The following TRNAU1AP variants were observed in gnomAD, a reference collection of about 807,000 sequenced individuals.
TRNAU1AP encodes the protein tRNA selenocysteine 1 associated protein 1.
Under a neutral mutation model 43.3 loss-of-function variants are expected in TRNAU1AP, and 33 were observed. The observed-to-expected ratio is 0.76, with a 90% CI of 0.58 to 1.02. TRNAU1AP has a LOEUF of 1.02. Ranked by LOEUF, TRNAU1AP falls within the 50% of genes least tolerant of loss-of-function variation. TRNAU1AP has a pLI of 0.00. For synonymous variants in TRNAU1AP, 143 were observed against 129.1 expected, an observed-to-expected ratio of 1.11 and a Z score of -0.73; for missense variants, 290 against 362.7, an observed-to-expected ratio of 0.80 and a Z score of 1.63.
In TRNAU1AP at chr1:28,564,712, T is replaced by C. The variant is rs770247414; in HGVS notation, c.288T>C (p.Tyr96=). ...YGKQPDNSPE[Y]SLFVGDLTPD... ...TGTTCTCTCTCCTCAGCCCTGAGTA[T>C]TCCCTCTTTGTGGGGGACCTGACCC... The change falls in exon 5 of 9, where the codon TAT becomes TAC. Residue 96 remains tyrosine (Y), a synonymous_variant. Coordinates refer to ENST00000373830, the MANE Select transcript of TRNAU1AP (RefSeq NM_017846.5). 6.2e-7 allele frequency: 1 copy of C among 1,613,950 alleles called. No homozygotes were observed. Among genetic ancestry groups the C allele is most frequent in the Admixed American group, 1.7e-5 (1 of 59,964 alleles).
At chr1:28,554,879 C>G (rs1166188779) in intron 2 of TRNAU1AP, among the ~76,000 whole-genome samples, 1 of 150,914 alleles carries the variant, frequency 6.6e-6, no homozygotes, top group Non-Finnish European at 1.5e-5. Flanking sequence ...AATAACAAGT[C>G]AGGACTTGAA....
chr1:28,576,161 T>G (rs1449570328), intron 8 of TRNAU1AP, among the ~76,000 whole-genome samples: 3 of 149,510 alleles, frequency 2.0e-5, no homozygotes, highest in South Asian at 2.1e-4. Flanking sequence ...GCCCAGTTTT[T>G]TTTTTTTTTT....
rs771956206 is a variant in TRNAU1AP, at chr1:28,571,264, T to C, written c.619T>C (p.Trp207Arg). ...YQQYQNYYAQ[W>R]GYDQNTGSYS... ...GCAGTACCAGAACTACTATGCTCAG[T>C]GGGGCTATGACCAGAACACAGGCAG... Residue 207 changes from tryptophan to arginine, a missense_variant, in exon 7 of 9, where the codon TGG (tryptophan) becomes CGG (arginine). By Grantham distance (101) the Trp-to-Arg change is moderately radical. Around this residue, in one of 3 missense-constraint regions of TRNAU1AP, gnomAD observed 174 missense variants for 262.1 expected, o/e 0.66. Transcript: ENST00000373830. 11 of 1,613,926 alleles carry C rather than the reference T, an allele frequency of 6.8e-6. No individual in the cohort carries two copies. Among genetic ancestry groups the C allele is most frequent in the Non-Finnish European group, 8.5e-7 (1 of 1,179,958 alleles).
intron 2 of TRNAU1AP, among the ~76,000 whole-genome samples, chr1:28,558,066 T>C (rs1052201706): frequency 4.1e-5 from 6 of 145,544 alleles, no homozygotes; most frequent in African/African-American, 1.5e-4. Flanking sequence ...TGGCTAATTT[T>C]TTTTTTTTTT....
At chr1:28,576,585 G>A (rs1390858497) in intron 8 of TRNAU1AP, among the ~76,000 whole-genome samples, 28 of 151,590 alleles carry the variant, frequency 1.8e-4, no homozygotes, top group Admixed American at 1.8e-3. Context: ...CCAAAGTGCT[G>A]GGATTACAGG....
intron 3 of TRNAU1AP, 137 bp downstream of exon 3, chr1:28,560,869 C>G: frequency 1.1e-6 from 1 of 885,238 alleles, no homozygotes; most frequent in Non-Finnish European, 1.7e-6. Flanking sequence ...TCTTTGTAGG[C>G]CCAGGAAACT....
intron 2 of TRNAU1AP, among the ~76,000 whole-genome samples, chr1:28,560,085 T>A (rs1346314186): frequency 6.6e-6 from 1 of 152,016 alleles, no homozygotes; most frequent in Non-Finnish European, 1.5e-5. Context: ...TGAGCTGAGA[T>A]CGAGATGATA....
At chr1:28,575,856 C>CTTTTT (rs34983069) in intron 8 of TRNAU1AP, among the ~76,000 whole-genome samples, 4 of 60,736 alleles carry the variant, frequency 6.6e-5, no homozygotes, top group Non-Finnish European at 9.3e-5. Flanking sequence ...CTGCGCCTGG[C>CTTTTT]TTTTTTTTTT....
Position 28,560,614 on chromosome 1 carries a change from C to T in TRNAU1AP, c.126-19C>T. The T allele has an allele frequency of 6.2e-7, 1 of 1,603,316 alleles. No homozygotes were observed. Among genetic ancestry groups the T allele is most frequent in the Non-Finnish European group, 8.5e-7 (1 of 1,170,586 alleles). The stretch of plus-strand genomic sequence containing the variant: ...TTTTATCTTTAACCATTTTCTTTCT[C>T]TATTTGCTTTTTTTCCAGGATCCCA... On this transcript the variant is annotated intron_variant, in intron 2 of 8. Transcript: ENST00000373830.
chr1:28,560,585 G>A (rs1445734819), intron 2 of TRNAU1AP, 48 bp from the exon 3 acceptor site: 1 of 1,526,760 alleles, frequency 6.5e-7, no homozygotes, highest in East Asian at 2.3e-5. Context: ...CTCATCTTGA[G>A]CCATTTTATC....
intron 4 of TRNAU1AP, among the ~76,000 whole-genome samples, chr1:28,563,082 G>T (rs543036367): frequency 4.0e-5 from 6 of 151,530 alleles, no homozygotes; most frequent in Admixed American, 3.3e-4. Flanking sequence ...TTTTAGTAGA[G>T]ATGGGGTTTC....
At chr1:28,570,326 C>G (rs1392109170) in intron 6 of TRNAU1AP, among the ~76,000 whole-genome samples, 1 of 151,984 alleles carries the variant, frequency 6.6e-6, no homozygotes, top group Non-Finnish European at 1.5e-5. Context: ...AGGCCCATTG[C>G]AACCTCTGTC....
In TRNAU1AP at chr1:28,567,414, G is replaced by A. The variant is rs1239368939; in HGVS notation, c.530+1G>A. On this transcript the variant is annotated splice_donor_variant, in intron 6 of 8. Coordinates refer to ENST00000373830, the MANE Select transcript of TRNAU1AP (RefSeq NM_017846.5). LOFTEE classifies it high-confidence loss of function. ...GGCTGAGCGTGGCAATCCCTAAAGC[G>A]TGAGTCCTGCAGGGAAGGTAGAGAG... The A allele has an allele frequency of 1.9e-6, 3 of 1,603,196 alleles. No individual in the cohort carries two copies. The highest frequency in any genetic ancestry group is 1.8e-5 in the Admixed American group (1 of 55,942).
Position 28,577,686 on chromosome 1 carries a change from T to G in TRNAU1AP, c.*50T>G, listed in dbSNP as rs756067619. On this transcript the variant is annotated 3_prime_UTR_variant, in exon 9 of 9. Transcript: ENST00000373830. ...GCATGATGTGAGGGAGATGAGAGAC[T>G]CCTTTTTAAAAATTGTGAAACCTTT... is the stretch of plus-strand genomic sequence containing the variant. 9 of 1,545,080 alleles carry G rather than the reference T, an allele frequency of 5.8e-6. 1 individual carries two copies. The South Asian group carries it at 9.6e-5, about 17-fold the overall frequency.
intron 8 of TRNAU1AP, among the ~76,000 whole-genome samples, chr1:28,575,264 C>T (rs1482850790): frequency 1.3e-5 from 2 of 151,668 alleles, no homozygotes; most frequent in African/African-American, 4.8e-5. Context: ...AAGCGATTCC[C>T]CTGCCTCATC....
intron 6 of TRNAU1AP, among the ~76,000 whole-genome samples, chr1:28,569,516 C>T (rs572684712): frequency 7.3e-5 from 11 of 150,716 alleles, no homozygotes; most frequent in South Asian, 6.3e-4. Flanking sequence ...ATGGTGAAAC[C>T]CCGTCTCTAC....
chr1:28,571,253 A>G lies in TRNAU1AP; in HGVS notation c.608A>G (p.Tyr203Cys). ...YNQYYQQYQN[Y>C]YAQWGYDQNT... ...CAGTATTATCAGCAGTACCAGAACT[A>G]CTATGCTCAGTGGGGCTATGACCAG... Residue 203 changes from tyrosine to cysteine, a missense_variant, in exon 7 of 9, where the codon TAC becomes TGC. By Grantham distance (194) the Tyr-to-Cys change is radical. Transcript: ENST00000373830. 1 of 1,614,072 alleles carries G rather than the reference A, an allele frequency of 6.2e-7. No homozygotes were observed. The highest frequency in any genetic ancestry group is 8.5e-7 in the Non-Finnish European group (1 of 1,179,946).
intron 3 of TRNAU1AP, 163 bp from the exon 4 acceptor site, chr1:28,561,183 G>A (rs1665396545): frequency 6.9e-7 from 1 of 1,454,260 alleles, no homozygotes; most frequent in African/African-American, 1.4e-5. Context: ...AGTGCCCTTA[G>A]CGGTCATCCG....
chr1:28,571,823 G>A, intron 7 of TRNAU1AP, 44 bp from the exon 8 acceptor site: 1 of 1,532,726 alleles, frequency 6.5e-7, no homozygotes, highest in Non-Finnish European at 8.9e-7. Flanking sequence ...TCCTGGGCCA[G>A]GATTTCACCA....
Sources: allele counts gnomAD v4.1 joint callset (sites outside exome capture counted in the v4.1 genomes callset), GRCh38; gene constraint gnomAD v4.1.1; regional missense constraint gnomAD v4.1.1; transcripts MANE v1.5; gene names NCBI Gene and HGNC (gene_info 2026-07-23, HGNC 2026-07-21).